The following SYNPR variants were observed in gnomAD, a reference collection of about 807,000 sequenced individuals.
SYNPR encodes synaptoporin.
Under a neutral mutation model 32.9 loss-of-function variants are expected in SYNPR, and 23 were observed. The observed-to-expected ratio is 0.70, with a 90% CI of 0.50 to 0.99. SYNPR has a LOEUF of 0.99. Ranked by LOEUF, SYNPR falls within the 50% of genes least tolerant of loss-of-function variation. The pLI, the probability that SYNPR is intolerant of heterozygous loss-of-function variation, is 0.00. For synonymous variants in SYNPR, 146 were observed against 135.9 expected, an observed-to-expected ratio of 1.07 and a Z score of -0.52; for missense variants, 318 against 349.3, an observed-to-expected ratio of 0.91 and a Z score of 0.71.
intron 2 of SYNPR, among the ~76,000 whole-genome samples, chr3:63,426,962 T>G (rs1029440182): frequency 6.6e-6 from 1 of 152,156 alleles, no homozygotes; most frequent in African/African-American, 2.4e-5. Flanking sequence ...TAAAACTATG[T>G]CGAGCCTTGT....
intron 1 of SYNPR, among the ~76,000 whole-genome samples, chr3:63,244,126 A>G (rs72878206): frequency 0.078 from 11,834 of 152,130 alleles, 1,329 homozygotes; most frequent in African/African-American, 0.25. Context: ...ATGGAGTGAG[A>G]AAAGCATCAG....
chr3:63,307,123 C>T (rs1007779407), intron 2 of SYNPR, among the ~76,000 whole-genome samples: 10 of 151,884 alleles, frequency 6.6e-5, no homozygotes, highest in African/African-American at 2.4e-4. Flanking sequence ...TTACAGTGTC[C>T]AAATTAGTTT....
chr3:63,309,889 G>A (rs2086945893), intron 2 of SYNPR, among the ~76,000 whole-genome samples: 1 of 151,968 alleles, frequency 6.6e-6, no homozygotes, highest in Admixed American at 6.6e-5. Context: ...CATATGCATT[G>A]TGTGTATAAC....
chr3:63,290,141 A>AAAAAACC (rs11280661), intron 2 of SYNPR, among the ~76,000 whole-genome samples: 1 of 145,450 alleles, frequency 6.9e-6, no homozygotes, highest in Non-Finnish European at 1.5e-5. Context: ...AAAAACAAAA[A>AAAAAACC]AACTCCTTTT....
chr3:63,377,589 C>T (rs1408597316), intron 2 of SYNPR, among the ~76,000 whole-genome samples: 6 of 151,768 alleles, frequency 4.0e-5, no homozygotes, highest in African/African-American at 1.5e-4. Context: ...TTAGAATCAA[C>T]CAGCAAGGAT....
intron 3 of SYNPR, among the ~76,000 whole-genome samples, chr3:63,493,476 G>A (rs757097259): frequency 1.2e-4 from 18 of 152,048 alleles, no homozygotes; most frequent in Non-Finnish European, 2.5e-4. Context: ...ATGATAGGTT[G>A]AAAGCTCCCC....
intron 3 of SYNPR, among the ~76,000 whole-genome samples, chr3:63,553,707 A>T (rs1004340437): frequency 6.6e-6 from 1 of 151,810 alleles, no homozygotes. Context: ...GGCCACTTCT[A>T]TGTCTTTTTT....
upstream of SYNPR, among the ~76,000 whole-genome samples, chr3:63,225,406 T>C (rs2086121023): frequency 6.6e-6 from 1 of 152,178 alleles, no homozygotes; most frequent in South Asian, 2.1e-4. Context: ...GCTATCTGGC[T>C]GGCAGGGAAT....
At chr3:63,323,831 G>GT (rs1476615746) in intron 2 of SYNPR, among the ~76,000 whole-genome samples, 10 of 152,070 alleles carry the variant, frequency 6.6e-5, no homozygotes, top group Non-Finnish European at 1.5e-4. Context: ...AAGAATTGTT[G>GT]TTTTTCACAT....
Position 63,609,249 on chromosome 3 carries a change from G to C in SYNPR, c.533G>C (p.Cys178Ser). 1 of 1,606,836 alleles carries C rather than the reference G, an allele frequency of 6.2e-7. No homozygotes were observed. Among genetic ancestry groups the C allele is most frequent in the Non-Finnish European group, 8.5e-7 (1 of 1,176,332 alleles). Residue 178 changes from cysteine (C) to serine (S), a missense_variant, in exon 5 of 6, where the codon TGC becomes TCC. Cys to Ser is a moderately radical substitution (Grantham distance 112). Transcript: ENST00000478300. ...GAAGTATTGCTACTAATGTCAGCTT[G>C]CAAACAGCCATCCAACAAATGCATG... ...PKEVLLLMSA[C>S]KQPSNKCMAI...
chr3:63,256,452 C>A (rs2086384518), intron 2 of SYNPR, among the ~76,000 whole-genome samples: 1 of 152,224 alleles, frequency 6.6e-6, no homozygotes. Flanking sequence ...GATACCCAGG[C>A]AAACAGGGTC....
At chr3:63,542,672 G>A (rs1702328082) in intron 3 of SYNPR, among the ~76,000 whole-genome samples, 1 of 152,094 alleles carries the variant, frequency 6.6e-6, no homozygotes, top group African/African-American at 2.4e-5. Context: ...GTTTTAGTTT[G>A]GATAAAAGAG....
In SYNPR at chr3:63,556,650, C is replaced by T. The variant is rs1214187901; in HGVS notation, c.317C>T (p.Ala106Val). 6.2e-7 allele frequency: 1 copy of T among 1,613,762 alleles called. No homozygotes were observed. The highest frequency in any genetic ancestry group is 8.5e-7 in the Non-Finnish European group (1 of 1,179,860). Residue 106 changes from alanine (A) to valine (V), a missense_variant, in exon 4 of 6, where the codon GCT becomes GTT. Coordinates refer to ENST00000478300, the MANE Select transcript of SYNPR (RefSeq NM_001130003.2). ...SSSAEFFVTV[A>V]VFAFLYSLAA... is the part of the protein sequence containing the mutation. ...TCAGCAGAGTTCTTCGTCACTGTTG[C>T]TGTCTTCGCCTTCCTCTACTCTTTG... is the stretch of plus-strand genomic sequence containing the variant.
chr3:63,531,299 G>A (rs1473397486), intron 3 of SYNPR, among the ~76,000 whole-genome samples: 1 of 152,058 alleles, frequency 6.6e-6, no homozygotes, highest in Non-Finnish European at 1.5e-5. Context: ...TGAAATCAAG[G>A]TAACAGCAGG....
At chr3:63,387,322 A>G (rs951127491) in intron 2 of SYNPR, among the ~76,000 whole-genome samples, 3 of 152,244 alleles carry the variant, frequency 2.0e-5, no homozygotes, top group South Asian at 4.1e-4. Context: ...GAATTCCACA[A>G]TGTTTAGAAG....
At position 63,615,551 on chromosome 3, in the gene SYNPR, AGGGT is replaced by A. The variant is rs1700268053; in HGVS notation, c.*71_*74del. The A allele has an allele frequency of 6.5e-7, 1 of 1,547,360 alleles. No individual in the cohort carries two copies. The highest frequency in any genetic ancestry group is 1.4e-5 in the African/African-American group (1 of 72,770). On this transcript the variant is annotated 3_prime_UTR_variant, in exon 6 of 6. Coordinates refer to ENST00000478300, the MANE Select transcript of SYNPR (RefSeq NM_001130003.2). ...ATTTCAGTGGCAGAAGAATTTTTTAAGGGTTTCAATCAATTATTAATGCAGAGAG... is the reference window on the plus strand; with the variant it reads ...ATTTCAGTGGCAGAAGAATTTTTTAATTCAATCAATTATTAATGCAGAGAG...
chr3:63,521,858 G>A (rs943689978), intron 3 of SYNPR, among the ~76,000 whole-genome samples: 2 of 152,206 alleles, frequency 1.3e-5, no homozygotes, highest in African/African-American at 4.8e-5. Flanking sequence ...AGGCATGCCT[G>A]AGGGCTGGCA....
At chr3:63,475,524 C>T (rs1046184828) in intron 2 of SYNPR, among the ~76,000 whole-genome samples, 1 of 152,112 alleles carries the variant, frequency 6.6e-6, no homozygotes, top group African/African-American at 2.4e-5. Flanking sequence ...TGAGCTAGTG[C>T]ACCACATTAA....
chr3:63,218,119 C>G, the SYNPR span, among the ~76,000 whole-genome samples: 5 of 152,078 alleles, frequency 3.3e-5, no homozygotes, highest in Non-Finnish European at 5.9e-5. Flanking sequence ...AGTAACAGAG[C>G]AAGACCTTGT....
Sources: gnomAD v4.1 joint callset for allele counts (sites outside exome capture counted in the v4.1 genomes callset) on GRCh38, gnomAD v4.1.1 for gene constraint, MANE v1.5 for transcripts, NCBI Gene and HGNC (gene_info 2026-07-23, HGNC 2026-07-21) for gene names.